GPR158: variants seen among roughly 807,000 people sequenced by gnomAD.
The protein encoded by GPR158 is G protein-coupled receptor 158.
In GPR158, 30 loss-of-function variants were observed where a neutral mutation model predicts 78.2. The observed-to-expected ratio is 0.38, with a 90% CI of 0.29 to 0.52. The LOEUF (loss-of-function observed/expected upper bound fraction) is 0.52, where lower values mean the gene tolerates loss of function less well. GPR158 is among the 20% of genes least tolerant of loss of function. GPR158 has a pLI of 0.83. For missense variants in GPR158, 1,463 were observed against 1,523.5 expected (o/e 0.96, Z 0.66); for synonymous variants, 581 against 591.1 (o/e 0.98, Z 0.25).
Position 25,175,572 on chromosome 10 carries a change from G to C in GPR158, c.152G>C (p.Arg51Pro), listed in dbSNP as rs1454243166. The change falls in exon 1 of 11, where the codon CGA (arginine) becomes CCA (proline). Residue 51 changes from arginine to proline, a missense_variant. Transcript: ENST00000376351. The surrounding 1 kb of genome is among the most constrained non-coding windows in gnomAD (Gnocchi z 6.4). ...AAGCCGCACGCCCAGCAGCCGGGTC[G>C]AGCCTCTGCCTCGGACTCCTCGGCT... ...KGKPHAQQPG[R>P]ASASDSSAPW... 9.3e-6 allele frequency: 15 copies of C among 1,611,002 alleles called. No homozygotes were observed. Among genetic ancestry groups the C allele is most frequent in the Non-Finnish European group, 1.2e-5 (14 of 1,179,810 alleles).
chr10:25,264,915 T>C (rs1475141116), intron 2 of GPR158, among the ~76,000 whole-genome samples: 1 of 152,198 alleles, frequency 6.6e-6, no homozygotes, highest in Non-Finnish European at 1.5e-5. Context: ...GAAGCCTAAC[T>C]AAAATGGTTC....
intron 2 of GPR158, among the ~76,000 whole-genome samples, chr10:25,281,195 T>C (rs765812270): frequency 2.6e-5 from 4 of 151,396 alleles, no homozygotes; most frequent in Non-Finnish European, 5.9e-5. Context: ...TCTCCATCTT[T>C]TCGTAGGTTA....
chr10:25,355,051 CTGTT>C (rs1480440081), intron 2 of GPR158, among the ~76,000 whole-genome samples: 1 of 152,010 alleles, frequency 6.6e-6, no homozygotes, highest in African/African-American at 2.4e-5. Context: ...TGGATTAAAT[CTGTT>C]TGGTGTTCTC....
At chr10:25,469,169 T>C (rs1835461046) in intron 5 of GPR158, among the ~76,000 whole-genome samples, 2 of 152,248 alleles carry the variant, frequency 1.3e-5, no homozygotes, top group African/African-American at 4.8e-5. Flanking sequence ...GTAGCTTTTC[T>C]TAATGTACAC....
intron 2 of GPR158, among the ~76,000 whole-genome samples, chr10:25,339,180 T>C (rs1386960070): frequency 1.3e-5 from 2 of 151,846 alleles, no homozygotes; most frequent in South Asian, 2.1e-4. Context: ...ACAGATGGGG[T>C]CTTGCTATGT....
chr10:25,413,987 G>A (rs1834627650), intron 4 of GPR158, among the ~76,000 whole-genome samples: 1 of 152,128 alleles, frequency 6.6e-6, no homozygotes, highest in Non-Finnish European at 1.5e-5. Flanking sequence ...AAAATTATAG[G>A]TTTTGTAAAA....
At position 25,602,119 on chromosome 10, in the gene GPR158, A is replaced by T. The variant is rs143034029; in HGVS notation, c.*2845A>T. The T allele has an allele frequency of 9.1e-4, 139 of 152,770 alleles. No individual in the cohort carries two copies. The highest frequency in any genetic ancestry group is 3.2e-3 in the African/African-American group (131 of 41,586). 9.5% of individuals were successfully genotyped at this position (152,770 alleles called of 1,614,324 possible). ...AATCTGTGGTTCTCCTAAAACTATT[A>T]TCTGAAACCTACAGCATCCCACCAT... is the stretch of plus-strand genomic sequence containing the variant. On this transcript the variant is annotated 3_prime_UTR_variant, in exon 11 of 11. Transcript: ENST00000376351.
chr10:25,540,945 A>AATATAT (rs57800341), intron 5 of GPR158, among the ~76,000 whole-genome samples: 72 of 82,904 alleles, frequency 8.7e-4, no homozygotes, highest in Middle Eastern at 9.9e-3. Flanking sequence ...GTATAATAAA[A>AATATAT]ATATATATAT....
chr10:25,569,393 T>C (rs1418325440), intron 6 of GPR158, among the ~76,000 whole-genome samples: 1 of 152,216 alleles, frequency 6.6e-6, no homozygotes, highest in African/African-American at 2.4e-5. Context: ...AATCCACTAT[T>C]AGCTCTCTAT....
intron 6 of GPR158, among the ~76,000 whole-genome samples, chr10:25,559,659 ATATAT>A (rs1319732057): frequency 1.5e-4 from 23 of 152,262 alleles, no homozygotes; most frequent in East Asian, 1.3e-3. Flanking sequence ...TACATAAATG[ATATAT>A]TATAATCCTA....
At chr10:25,319,717 G>A (rs527719629) in intron 2 of GPR158, among the ~76,000 whole-genome samples, 44 of 152,042 alleles carry the variant, frequency 2.9e-4, no homozygotes, top group African/African-American at 8.7e-4. Flanking sequence ...CGGCGACATC[G>A]TTCTTTATGT....
At chr10:25,295,106 C>T (rs1854493611) in intron 2 of GPR158, among the ~76,000 whole-genome samples, 1 of 152,208 alleles carries the variant, frequency 6.6e-6, no homozygotes, top group African/African-American at 2.4e-5. Flanking sequence ...GCGGACCTCC[C>T]TGTCTTACCC....
At chr10:25,431,552 A>T (rs1273884682) in intron 4 of GPR158, among the ~76,000 whole-genome samples, 1 of 138,522 alleles carries the variant, frequency 7.2e-6, no homozygotes, top group Non-Finnish European at 1.6e-5. Flanking sequence ...ATAAAGACAC[A>T]TGCACACGTA....
intron 3 of GPR158, among the ~76,000 whole-genome samples, chr10:25,409,845 T>C (rs528590154): frequency 9.8e-5 from 15 of 152,334 alleles, no homozygotes; most frequent in Admixed American, 6.5e-4. Context: ...TAATTATTCC[T>C]ATCAACCATG....
intron 5 of GPR158, among the ~76,000 whole-genome samples, chr10:25,476,140 A>G (rs186144692): frequency 1.3e-3 from 201 of 152,276 alleles, no homozygotes; most frequent in African/African-American, 4.7e-3. Context: ...ACAGATTCTC[A>G]AAAGAGACGC....
At chr10:25,298,314 C>T (rs1478232558) in intron 2 of GPR158, among the ~76,000 whole-genome samples, 1 of 152,018 alleles carries the variant, frequency 6.6e-6, no homozygotes, top group Middle Eastern at 3.2e-3. Flanking sequence ...AATAGTGTTA[C>T]CCAACAAAAT....
intron 1 of GPR158, among the ~76,000 whole-genome samples, chr10:25,211,464 A>G (rs1853129503): frequency 6.6e-6 from 1 of 152,166 alleles, no homozygotes. Context: ...CGTGCACAGG[A>G]AAAAGGGATG....
intron 1 of GPR158, among the ~76,000 whole-genome samples, chr10:25,179,586 T>A (rs2130626463): frequency 6.6e-6 from 1 of 152,306 alleles, no homozygotes; most frequent in Non-Finnish European, 1.5e-5. Flanking sequence ...TTTATCACTG[T>A]AAAACAATCT....
chr10:25,316,255 C>G (rs1854846623), intron 2 of GPR158, among the ~76,000 whole-genome samples: 1 of 152,248 alleles, frequency 6.6e-6, no homozygotes, highest in East Asian at 1.9e-4. Flanking sequence ...TAGGCTCTCC[C>G]TATATGTAGA....
Sources: gnomAD v4.1 joint callset for allele counts (sites outside exome capture counted in the v4.1 genomes callset) on GRCh38, gnomAD v4.1.1 for gene constraint, Gnocchi (gnomAD v3.1) non-coding constraint, MANE v1.5 for transcripts, NCBI Gene and HGNC (gene_info 2026-07-23, HGNC 2026-07-21) for gene names.